The following ASB13 variants were observed in gnomAD, a reference collection of about 807,000 sequenced individuals.
The protein encoded by ASB13 is ankyrin repeat and SOCS box containing 13, also known as ankyrin repeat and SOCS box protein 13.
Under a neutral mutation model 28.8 loss-of-function variants are expected in ASB13, and 33 were observed. That is an observed-to-expected ratio of 1.15 (90% confidence interval 0.87 to 1.53). ASB13 has a LOEUF of 1.53. Among genes scored for constraint, ASB13 ranks in the 40% most tolerant of loss-of-function variants. The probability of loss-of-function intolerance (pLI) is 0.00; values close to 1 mark genes in which losing one functional copy is unlikely to be tolerated. For synonymous variants in ASB13, 182 were observed against 172.9 expected, an observed-to-expected ratio of 1.05 and a Z score of -0.41; for missense variants, 414 against 390.1, an observed-to-expected ratio of 1.06 and a Z score of -0.52.
In ASB13 at chr10:5,640,484, C is replaced by T. The variant is rs3750644; in HGVS notation, c.*219G>A. The T allele has an allele frequency of 0.063, 35,881 of 568,086 alleles. 2,137 individuals are homozygous for T. The highest frequency in any genetic ancestry group is 0.24 in the Admixed American group (7,647 of 31,998). The allele number at this position is 568,086 out of a possible 1,614,324, so 35.2% of individuals were successfully genotyped here. A position where few individuals can be genotyped will look rare whatever the true frequency, so the allele number is the denominator to read the frequency against. On this transcript the variant is annotated 3_prime_UTR_variant, in exon 6 of 6. Coordinates refer to ENST00000357700, the MANE Select transcript of ASB13 (RefSeq NM_024701.4). ...GTAGGTTCTGTAGAACAGCGCAGGG[C>T]CACACCCACAACTGTGACCTGAGAC...
At position 5,664,882 on chromosome 10, in the gene ASB13, G is replaced by C. The variant is rs1835232670; in HGVS notation, c.43+1627C>G. Among the ~76,000 whole-genome samples the C allele has an allele frequency of 6.6e-6, 1 of 151,292 alleles. No individual in the cohort carries two copies. The highest frequency in any genetic ancestry group is 1.5e-5 in the Non-Finnish European group (1 of 67,884). ...TTTTATTTATTTATTTTGAGACAGAGTTTTGCTCTTGTCACCCAGGCTGGA... is the reference window on the plus strand; with the variant it reads ...TTTTATTTATTTATTTTGAGACAGACTTTTGCTCTTGTCACCCAGGCTGGA... On this transcript the variant is annotated intron_variant, in intron 1 of 5. Coordinates refer to ENST00000357700, the MANE Select transcript of ASB13 (RefSeq NM_024701.4). The surrounding 1 kb of genome is among the most constrained non-coding windows in gnomAD (Gnocchi z 4.2).
Position 5,644,304 on chromosome 10 carries a change from C to T in ASB13, c.518-2343G>A, listed in dbSNP as rs890900822. Reference sequence around the variant, plus strand: ...GGCCCAGGAAATCGAGACCAGCCTGCGCAACATAGTGAGACCCTAGCTCTA... The same window carrying T: ...GGCCCAGGAAATCGAGACCAGCCTGTGCAACATAGTGAGACCCTAGCTCTA... On this transcript the variant is annotated intron_variant, in intron 4 of 5. Transcript: ENST00000357700. The surrounding 1 kb of genome is among the most constrained non-coding windows in gnomAD (Gnocchi z 5.1). Among the ~76,000 whole-genome samples the T allele has an allele frequency of 2.0e-5, 3 of 152,042 alleles. No individual in the cohort carries two copies. Among genetic ancestry groups the T allele is most frequent in the Admixed American group, 1.3e-4 (2 of 15,260 alleles).
Position 5,651,466 on chromosome 10 carries a change from C to CATCTT in ASB13, c.232-104_232-103insAAGAT. The CATCTT allele has an allele frequency of 1.5e-6, 2 of 1,323,990 alleles. No homozygotes were observed. The highest frequency in any genetic ancestry group is 2.0e-6 in the Non-Finnish European group (2 of 980,596). The allele number at this position is 1,323,990 out of a possible 1,614,324, so 82.0% of individuals were successfully genotyped here. On this transcript the variant is annotated intron_variant, in intron 2 of 5. Coordinates refer to ENST00000357700, the MANE Select transcript of ASB13 (RefSeq NM_024701.4). This position sits in a 1 kb window ranked among gnomAD's most constrained non-coding sequence, Gnocchi z 5.1. Reference sequence around the variant, plus strand: ...TCTTTGCTAAGATGCTTCTTAGAAGCACCGGTTTGCTTTGCTATTATGTGC... The same window carrying CATCTT: ...TCTTTGCTAAGATGCTTCTTAGAAGCATCTTACCGGTTTGCTTTGCTATTATGTGC...
In ASB13 at chr10:5,639,385, T is replaced by C. The variant is rs7901492; in HGVS notation, c.*1318A>G. On this transcript the variant is annotated 3_prime_UTR_variant, in exon 6 of 6. Transcript: ENST00000357700. ...GACAGGCGTGACCTGTTCTCCAGAA[T>C]GGGTAGAGATGGGGTTTCATCAAGT... 149,446 of 152,768 alleles carry C rather than the reference T, an allele frequency of 0.98. 73,181 individuals are homozygous for C. The highest frequency in any genetic ancestry group is 1 in the East Asian group (5,182 of 5,182). The allele number at this position is 152,768 out of a possible 1,614,324, so 9.5% of individuals were successfully genotyped here.
rs1439340792 is a variant in ASB13, at chr10:5,641,944, C to T, written c.535G>A (p.Ala179Thr). The T allele has an allele frequency of 9.3e-6, 15 of 1,604,680 alleles. No individual in the cohort carries two copies. The highest frequency in any genetic ancestry group is 1.3e-5 in the Non-Finnish European group (15 of 1,172,096). The change falls in exon 5 of 6, where the codon GCA becomes ACA. Residue 179 changes from alanine to threonine, a missense_variant. Coordinates refer to ENST00000357700, the MANE Select transcript of ASB13 (RefSeq NM_024701.4). The surrounding 1 kb of genome is among the most constrained non-coding windows in gnomAD (Gnocchi z 8.4). ...LLNAGANVNA[A>T]KLHETALHHA... ...TGAAGGGCAGTCTCATGAAGCTTTG[C>T]CGCATTCACGTTGGCCCCTGGAGGT...
chr10:5,654,923 C>A (rs1194513240), intron 1 of ASB13, among the ~76,000 whole-genome samples: 2 of 152,010 alleles, frequency 1.3e-5, no homozygotes. Context: ...ATGGTGAAAC[C>A]CCCGTCTCTA....
rs933241631 is a variant in ASB13 at position 5,652,780 on chromosome 10, T to A, written c.231+83A>T. 2 of 1,398,098 alleles carry A rather than the reference T, an allele frequency of 1.4e-6. No individual in the cohort carries two copies. The highest frequency in any genetic ancestry group is 1.9e-6 in the Non-Finnish European group (2 of 1,057,176). 86.6% of individuals were successfully genotyped at this position (1,398,098 alleles called of 1,614,324 possible). A position where few individuals can be genotyped will look rare whatever the true frequency, so the allele number is the denominator to read the frequency against. The stretch of plus-strand genomic sequence containing the variant: ...ACACAGTGCAGCCCCCATCCTCCCC[T>A]CTTTCCCAAGTTCTCCTGAGTCAAC... On this transcript the variant is annotated intron_variant, in intron 2 of 5. Coordinates refer to ENST00000357700, the MANE Select transcript of ASB13 (RefSeq NM_024701.4). The surrounding 1 kb of genome is among the most constrained non-coding windows in gnomAD (Gnocchi z 5.0).
Position 5,642,653 on chromosome 10 carries a change from G to GTTTT in ASB13, c.518-696_518-693dup, listed in dbSNP as rs56802263. 200 of 352,784 alleles carry GTTTT rather than the reference G, an allele frequency of 5.7e-4. 1 individual carries two copies. The highest frequency in any genetic ancestry group is 9.0e-4 in the South Asian group (34 of 37,902). 21.9% of individuals were successfully genotyped at this position (352,784 alleles called of 1,614,324 possible). A position where few individuals can be genotyped will look rare whatever the true frequency, so the allele number is the denominator to read the frequency against. On this transcript the variant is annotated intron_variant, in intron 4 of 5. Transcript: ENST00000357700. This position sits in a 1 kb window ranked among gnomAD's most constrained non-coding sequence, Gnocchi z 4.1. ...AGTAGCTAAATATGGCTGGTTTTGG[G>GTTTT]TTTTTTTTTTTGAGACAGAGTCTCA...
At chr10:5,665,358 T>C (rs1835242562) in intron 1 of ASB13, among the ~76,000 whole-genome samples, 1 of 152,280 alleles carries the variant, frequency 6.6e-6, no homozygotes, top group African/African-American at 2.4e-5. Context: ...ATATATTAAA[T>C]AAAAAATGAC....
intron 1 of ASB13, among the ~76,000 whole-genome samples, chr10:5,657,315 C>T (rs1285689057): frequency 2.6e-5 from 4 of 151,882 alleles, no homozygotes; most frequent in African/African-American, 7.3e-5. Context: ...ATATAAAGAA[C>T]TCCTGCAACT....
intron 4 of ASB13, 130 bp downstream of exon 4, chr10:5,648,840 C>G (rs879035704): frequency 1.4e-6 from 2 of 1,451,240 alleles, no homozygotes; most frequent in Non-Finnish European, 1.8e-6. Flanking sequence ...ACATCCACTC[C>G]GGTAAACACC....
chr10:5,648,962 C>T lies in ASB13; in HGVS notation c.517+8G>A. 3 of 1,613,530 alleles carry T rather than the reference C, an allele frequency of 1.9e-6. No individual in the cohort carries two copies. Among genetic ancestry groups the T allele is most frequent in the Non-Finnish European group, 2.5e-6 (3 of 1,179,502 alleles). On this transcript the variant is annotated splice_region_variant and intron_variant, in intron 4 of 5. Coordinates refer to ENST00000357700, the MANE Select transcript of ASB13 (RefSeq NM_024701.4). ...GGTAAACACCCGCTCGGGCAAACAC[C>T]CACTCACCTGCATTGAGCAGCACTT...
rs747044419 is a variant in ASB13 at position 5,652,832 on chromosome 10, G to A, written c.231+31C>T. On this transcript the variant is annotated intron_variant, in intron 2 of 5. Transcript: ENST00000357700. This position sits in a 1 kb window ranked among gnomAD's most constrained non-coding sequence, Gnocchi z 5.0. Reference sequence around the variant, plus strand: ...TCCTCCATTCTGGCAGCTGCAGCCAGTCTGGGGGTCTGCCCTGAAGGGCCA... The same window carrying A: ...TCCTCCATTCTGGCAGCTGCAGCCAATCTGGGGGTCTGCCCTGAAGGGCCA... 6.7e-7 allele frequency: 1 copy of A among 1,493,162 alleles called. No individual in the cohort carries two copies. The highest frequency in any genetic ancestry group is 8.9e-7 in the Non-Finnish European group (1 of 1,118,656). The allele number at this position is 1,493,162 out of a possible 1,614,324, so 92.5% of individuals were successfully genotyped here.
At chr10:5,666,470 C>T in intron 1 of ASB13, 39 bp downstream of exon 1, 1 of 1,284,574 alleles carries the variant, frequency 7.8e-7, no homozygotes, top group South Asian at 2.2e-5. Flanking sequence ...GGAGCCGGCG[C>T]CGCTGCCTCG....
intron 1 of ASB13, 85 bp downstream of exon 1, chr10:5,666,424 C>A: frequency 8.5e-7 from 1 of 1,170,034 alleles, no homozygotes; most frequent in Non-Finnish European, 1.1e-6. Context: ...GCCACCACCT[C>A]CCCGGCGCAG....
intron 1 of ASB13, 64 bp downstream of exon 1, chr10:5,666,445 A>C: frequency 8.1e-7 from 1 of 1,237,062 alleles, no homozygotes; most frequent in Non-Finnish European, 1.0e-6. Flanking sequence ...GCCATCGGAT[A>C]CGCGGCCGGC....
In ASB13 at chr10:5,651,731, A is replaced by G. The variant is rs888487740; in HGVS notation, c.232-368T>C. Among the ~76,000 whole-genome samples the G allele has an allele frequency of 6.6e-6, 1 of 152,008 alleles. No individual in the cohort carries two copies. Among genetic ancestry groups the G allele is most frequent in the African/African-American group, 2.4e-5 (1 of 41,386 alleles). On this transcript the variant is annotated intron_variant, in intron 2 of 5. Coordinates refer to ENST00000357700, the MANE Select transcript of ASB13 (RefSeq NM_024701.4). The surrounding 1 kb of genome is among the most constrained non-coding windows in gnomAD (Gnocchi z 5.1). ...AAAAACCCTAACCTCAGCTGGGCAC[A>G]GTGGCTCACACCTGTAACCCCAGCA...
chr10:5,648,911 C>T, intron 4 of ASB13, 59 bp downstream of exon 4: 3 of 1,600,030 alleles, frequency 1.9e-6, no homozygotes, highest in Non-Finnish European at 2.6e-6. Context: ...CGCAGGTAAA[C>T]ACCCGCTCGG....
rs954648306 is a variant in ASB13 at position 5,653,036 on chromosome 10, G to A, written c.58C>T (p.Arg20Trp). The A allele has an allele frequency of 1.4e-5, 22 of 1,544,814 alleles. No individual in the cohort carries two copies. Among genetic ancestry groups the A allele is most frequent in the Middle Eastern group, 1.8e-4 (1 of 5,698 alleles). The change falls in exon 2 of 6, where the codon CGG (arginine) becomes TGG (tryptophan). Residue 20 changes from arginine (R) to tryptophan (W), a missense_variant. Transcript: ENST00000357700. ...TGGGCTGCCTCGTGCACAGGGGTCC[G>A]CTCCACCCAGAAACCTGGAAAGGAA... The part of the protein sequence containing the change: ...FLGDVGFWVE[R>W]TPVHEAAQRG...
Sources: gnomAD v4.1 joint callset for allele counts (sites outside exome capture counted in the v4.1 genomes callset) on GRCh38, gnomAD v4.1.1 for gene constraint, Gnocchi (gnomAD v3.1) non-coding constraint, MANE v1.5 for transcripts, NCBI Gene and HGNC (gene_info 2026-07-23, HGNC 2026-07-21) for gene names.